Variants in LAMC2 observed in about 807,000 individuals in gnomAD.
LAMC2 encodes laminin subunit gamma-2.
Under a neutral mutation model 140.2 loss-of-function variants are expected in LAMC2, and 97 were observed. That is an observed-to-expected ratio of 0.69 (90% CI 0.59 to 0.82). The LOEUF (loss-of-function observed/expected upper bound fraction) is 0.82, where lower values mean the gene tolerates loss of function less well. LAMC2 is among the 40% of genes least tolerant of loss of function. The pLI, the probability that LAMC2 is intolerant of heterozygous loss-of-function variation, is 0.00. For synonymous variants in LAMC2, 513 were observed against 540.2 expected (o/e 0.95, Z 0.70); for missense variants, 1,402 against 1,476.1 (o/e 0.95, Z 0.82).
rs761351855 is a variant in LAMC2, at chr1:183,230,964, G to A, written c.1718G>A (p.Cys573Tyr). The change falls in exon 12 of 23, where the codon TGC becomes TAC. Residue 573 changes from cysteine to tyrosine, a missense_variant. By Grantham distance (194) the Cys-to-Tyr change is radical (BLOSUM62 -2). Transcript: ENST00000264144. The part of the protein sequence containing the change: ...APNPADKCRA[C>Y]NCNPMGSEPV... ...TCCATTTGTCTTTTGTCTCTAGCTT[G>A]CAACTGTAACCCCATGGGCTCAGAG... 6.8e-6 allele frequency: 11 copies of A among 1,614,042 alleles called. No homozygotes were observed. The highest frequency in any genetic ancestry group is 8.5e-6 in the Non-Finnish European group (10 of 1,180,024).
intron 22 of LAMC2, chr1:183,241,358 T>C: frequency 8.1e-6 from 8 of 982,838 alleles, no homozygotes; most frequent in Non-Finnish European, 9.7e-6. Flanking sequence ...CTTGAGCTGC[T>C]TGGGTAAATA....
intron 5 of LAMC2, 123 bp downstream of exon 5, chr1:183,221,084 G>GA: frequency 1.0e-6 from 1 of 969,334 alleles, no homozygotes; most frequent in Admixed American, 2.1e-5. Flanking sequence ...AGTATTGAAT[G>GA]TACATTATTT....
At chr1:183,204,215 C>T (rs1281492769) in intron 1 of LAMC2, among the ~76,000 whole-genome samples, 3 of 152,016 alleles carry the variant, frequency 2.0e-5, no homozygotes, top group African/African-American at 2.4e-5. Flanking sequence ...GGCTTGAGCC[C>T]GGGAGGTTGA....
At chr1:183,257,795 T>TC in the LAMC2 span, among the ~76,000 whole-genome samples, 2 of 152,084 alleles carry the variant, frequency 1.3e-5, no homozygotes, top group Non-Finnish European at 2.9e-5. Context: ...TGTTTTTTTT[T>TC]TTCAAAAAAC....
intron 1 of LAMC2, among the ~76,000 whole-genome samples, chr1:183,189,652 A>AAAAGAGAT (rs1358439980): frequency 6.6e-6 from 1 of 152,232 alleles, no homozygotes; most frequent in East Asian, 1.9e-4. Flanking sequence ...CTCAGCACTT[A>AAAAGAGAT]AAAAAGAGAT....
intron 20 of LAMC2, 98 bp from the exon 21 acceptor site, chr1:183,239,942 C>T: frequency 1.5e-6 from 2 of 1,329,142 alleles, no homozygotes; most frequent in Non-Finnish European, 2.2e-6. Context: ...TCCATCAGGG[C>T]CCGGCTGCCG....
At chr1:183,196,921 G>A (rs1488853878) in intron 1 of LAMC2, among the ~76,000 whole-genome samples, 1 of 152,210 alleles carries the variant, frequency 6.6e-6, no homozygotes, top group Non-Finnish European at 1.5e-5. Flanking sequence ...AGATGTCCCA[G>A]TGGTGAGCGT....
At chr1:183,239,652 CCTCTGAGG>C in intron 20 of LAMC2, 89 bp downstream of exon 20, 1 of 1,178,250 alleles carries the variant, frequency 8.5e-7, no homozygotes, top group Non-Finnish European at 1.2e-6. Flanking sequence ...CTTATTTTAA[CCTCTGAGG>C]CTCAGAGCCC....
chr1:183,251,223 C>A, the LAMC2 span: 12 of 152,354 alleles, frequency 7.9e-5, no homozygotes, highest in Admixed American at 3.3e-4. Context: ...GGGAGATTTT[C>A]TCAGACAGTT....
chr1:183,228,234 C>G lies in LAMC2; in HGVS notation c.1469-140C>G. The G allele has an allele frequency of 8.8e-7, 1 of 1,134,942 alleles. No homozygotes were observed. Among genetic ancestry groups the G allele is most frequent in the Non-Finnish European group, 1.3e-6 (1 of 771,204 alleles). The allele number at this position is 1,134,942 out of a possible 1,614,324, so 70.3% of individuals were successfully genotyped here. A position where few individuals can be genotyped will look rare whatever the true frequency, so the allele number is the denominator to read the frequency against. ...GCCAGCCCTGCCTTGCATGCCTGCTCCTGAGGGCTTTGTTCTGGGGTCCCT... is the reference window on the plus strand; with the variant it reads ...GCCAGCCCTGCCTTGCATGCCTGCTGCTGAGGGCTTTGTTCTGGGGTCCCT... On this transcript the variant is annotated intron_variant, in intron 10 of 22. Transcript: ENST00000264144. This position sits in a 1 kb window ranked among gnomAD's most constrained non-coding sequence, Gnocchi z 4.3.
At chr1:183,211,110 C>T (rs2102202056) in intron 2 of LAMC2, among the ~76,000 whole-genome samples, 1 of 152,334 alleles carries the variant, frequency 6.6e-6, no homozygotes, top group Middle Eastern at 3.4e-3. Context: ...AGAGTAGTCA[C>T]CAATTTTGGA....
chr1:183,256,515 T>C, the LAMC2 span, among the ~76,000 whole-genome samples: 3 of 152,252 alleles, frequency 2.0e-5, no homozygotes, highest in South Asian at 4.1e-4. Flanking sequence ...AGAAAGGATG[T>C]TGAACTTTGT....
chr1:183,237,466 G>A lies in LAMC2; in HGVS notation c.2716G>A (p.Ala906Thr). Residue 906 changes from alanine (A) to threonine (T), a missense_variant, in exon 18 of 23, where the codon GCA (alanine) becomes ACA (threonine). By Grantham distance (58) the Ala-to-Thr change is moderately conservative. Coordinates refer to ENST00000264144, the MANE Select transcript of LAMC2 (RefSeq NM_005562.3). ...QKNLGNWKEE[A>T]QQLLQNGKSG... is the part of the protein sequence containing the mutation. ...GAATCTGGGAAACTGGAAAGAAGAAGCACAGCAGCTCTTACAGAATGGAAA... is the reference window on the plus strand; with the variant it reads ...GAATCTGGGAAACTGGAAAGAAGAAACACAGCAGCTCTTACAGAATGGAAA... 1 of 1,614,138 alleles carries A rather than the reference G, an allele frequency of 6.2e-7. No individual in the cohort carries two copies. The highest frequency in any genetic ancestry group is 8.5e-7 in the Non-Finnish European group (1 of 1,179,982).
chr1:183,240,066 C>T lies in LAMC2; in HGVS notation c.3096C>T (p.Ala1032=), dbSNP rs2102252948. Residue 1032 remains alanine, a synonymous_variant, in exon 21 of 23, where the codon GCC becomes GCT. Coordinates refer to ENST00000264144, the MANE Select transcript of LAMC2 (RefSeq NM_005562.3). The stretch of plus-strand genomic sequence containing the variant: ...AGATTGGGAGTCTGAACTTGGAAGC[C>T]AATGTGACAGCAGATGGAGCCTTGG... ...EQEIGSLNLE[A]NVTADGALAM... 3 of 1,614,120 alleles carry T rather than the reference C, an allele frequency of 1.9e-6. No homozygotes were observed. Among genetic ancestry groups the T allele is most frequent in the Non-Finnish European group, 2.5e-6 (3 of 1,180,028 alleles).
At chr1:183,218,657 A>C (rs543482195) in intron 4 of LAMC2, among the ~76,000 whole-genome samples, 169 bp downstream of exon 4, 143 of 151,820 alleles carry the variant, frequency 9.4e-4, no homozygotes, top group Non-Finnish European at 1.7e-3. Flanking sequence ...CAACAGCAAA[A>C]ACACACACAC....
chr1:183,230,990 C>A lies in LAMC2; in HGVS notation c.1744C>A (p.Pro582Thr), dbSNP rs113391174. 6.2e-7 allele frequency: 1 copy of A among 1,614,106 alleles called. No individual in the cohort carries two copies. Among genetic ancestry groups the A allele is most frequent in the East Asian group, 2.2e-5 (1 of 44,884 alleles). The change falls in exon 12 of 23, where the codon CCT becomes ACT. Residue 582 changes from proline (P) to threonine (T), a missense_variant. By Grantham distance (38) the Pro-to-Thr change is conservative (BLOSUM62 -1). Coordinates refer to ENST00000264144, the MANE Select transcript of LAMC2 (RefSeq NM_005562.3). Reference protein sequence around the residue: ...ACNCNPMGSEPVGCRSDGTCV... With the variant: ...ACNCNPMGSETVGCRSDGTCV... ...CAACTGTAACCCCATGGGCTCAGAG[C>A]CTGTAGGATGTCGAAGTGATGGCAC...
intron 2 of LAMC2, among the ~76,000 whole-genome samples, chr1:183,214,588 C>T (rs1455085119): frequency 2.6e-5 from 4 of 152,056 alleles, no homozygotes; most frequent in African/African-American, 9.7e-5. Flanking sequence ...AAGTTGGCAT[C>T]TTATTCTGCT....
chr1:183,243,175 G>A lies in LAMC2; in HGVS notation c.3357G>A (p.Gly1119=), dbSNP rs1282837989. 1.3e-6 allele frequency: 2 copies of A among 1,576,498 alleles called. No individual in the cohort carries two copies. The highest frequency in any genetic ancestry group is 3.0e-5 in the African/African-American group (2 of 67,604). The change falls in exon 23 of 23, where the codon GGG becomes GGA. Residue 1119 remains glycine (G), a synonymous_variant. Coordinates refer to ENST00000264144, the MANE Select transcript of LAMC2 (RefSeq NM_005562.3). ...AGCCTCTCAGTGTAGATGAAGAGGG[G>A]CTGGTCTTACTGGAGCAGAAGCTTT... The part of the protein sequence containing the change: ...MDQPLSVDEE[G]LVLLEQKLSR...
chr1:183,225,486 G>T, intron 7 of LAMC2, 122 bp from the exon 8 acceptor site: 3 of 753,980 alleles, frequency 4.0e-6, no homozygotes, highest in Non-Finnish European at 2.4e-6. Context: ...TCAGTCCTAT[G>T]CCCCCTTCTA....
Sources: gnomAD v4.1 joint callset for allele counts (sites outside exome capture counted in the v4.1 genomes callset) on GRCh38, gnomAD v4.1.1 for gene constraint, Gnocchi (gnomAD v3.1) non-coding constraint, MANE v1.5 for transcripts, NCBI Gene and HGNC (gene_info 2026-07-23, HGNC 2026-07-21) for gene names.